The following XKR6 variants were observed in gnomAD, a reference collection of about 807,000 sequenced individuals.
XKR6 encodes XK related 6.
XKR6 carries 22 observed loss-of-function variants against 56.7 expected under a neutral mutation model. The observed-to-expected ratio is 0.39, with a 90% CI of 0.28 to 0.55. The LOEUF (loss-of-function observed/expected upper bound fraction) is 0.55. XKR6 is among the 20% of genes least tolerant of loss of function. The probability of loss-of-function intolerance (pLI) is 0.66; values close to 1 mark genes in which losing one functional copy is unlikely to be tolerated. For missense variants in XKR6, 852 were observed against 889.0 expected (o/e 0.96, Z 0.53); for synonymous variants, 524 against 387.8 (o/e 1.35, Z -4.13).
At chr8:10,928,292 C>A (rs1800955892) in intron 1 of XKR6, among the ~76,000 whole-genome samples, 1 of 152,228 alleles carries the variant, frequency 6.6e-6, no homozygotes. Context: ...CAGGAGGATC[C>A]TGGCAGCTCC....
chr8:11,043,276 C>T (rs1297063023), intron 1 of XKR6, among the ~76,000 whole-genome samples: 1 of 151,814 alleles, frequency 6.6e-6, no homozygotes, highest in Non-Finnish European at 1.5e-5. Context: ...GGTGAGGATG[C>T]GAGGTGGGGT....
intron 1 of XKR6, among the ~76,000 whole-genome samples, chr8:11,151,768 C>CT (rs1189849880): frequency 9.2e-5 from 14 of 152,028 alleles, no homozygotes; most frequent in Non-Finnish European, 1.6e-4. Flanking sequence ...TACATCCCCC[C>CT]GCTCCGCCTT....
At chr8:11,151,374 C>T (rs1333703149) in intron 1 of XKR6, among the ~76,000 whole-genome samples, 3 of 152,134 alleles carry the variant, frequency 2.0e-5, no homozygotes, top group Non-Finnish European at 4.4e-5. Flanking sequence ...TTTACATTTA[C>T]TTTGGAAAAG....
intron 1 of XKR6, among the ~76,000 whole-genome samples, chr8:11,016,359 C>G (rs937568538): frequency 6.6e-6 from 1 of 152,144 alleles, no homozygotes; most frequent in African/African-American, 2.4e-5. Flanking sequence ...TGCTGAGGAC[C>G]CTGGGGGAGT....
Position 10,898,757 on chromosome 8 carries a change from G to A in XKR6, c.1121C>T (p.Ser374Phe). ...RLFTISSRVI[S>F]FALFASIFQL... ...GAAGATGGAAGCAAAGAGGGCAAAA[G>A]AGATCACTCGGGATGAGATGGTGAA... The change falls in exon 3 of 3, where the codon TCT becomes TTT. Residue 374 changes from serine (S) to phenylalanine (F), a missense_variant. Physicochemically the swap from Ser to Phe is radical, Grantham distance 155. This residue lies in a region of XKR6 where 199 missense variants were observed against 280.4 expected (regional missense o/e 0.71). Transcript: ENST00000416569. This position sits in a 1 kb window ranked among gnomAD's most constrained non-coding sequence, Gnocchi z 6.6. The A allele has an allele frequency of 6.2e-7, 1 of 1,614,152 alleles. No individual in the cohort carries two copies. Among genetic ancestry groups the A allele is most frequent in the Non-Finnish European group, 8.5e-7 (1 of 1,180,036 alleles).
intron 1 of XKR6, among the ~76,000 whole-genome samples, chr8:11,036,855 T>C (rs1438692590): frequency 6.6e-6 from 1 of 152,344 alleles, no homozygotes; most frequent in East Asian, 1.9e-4. Flanking sequence ...GGAAGGTGGC[T>C]GCGTGTGTTA....
At chr8:11,108,929 CA>C (rs1295703994) in intron 1 of XKR6, 1 of 152,274 alleles carries the variant, frequency 6.6e-6, no homozygotes, top group Non-Finnish European at 1.5e-5. Context: ...CTGAAACTTC[CA>C]AAATAAAAAG....
At chr8:11,033,759 G>T (rs1799065931) in intron 1 of XKR6, among the ~76,000 whole-genome samples, 1 of 152,162 alleles carries the variant, frequency 6.6e-6, no homozygotes, top group Non-Finnish European at 1.5e-5. Context: ...GGGTGTGTGT[G>T]AATTATGCAG....
intron 1 of XKR6, among the ~76,000 whole-genome samples, chr8:10,993,960 C>T (rs1012773702): frequency 6.6e-6 from 1 of 152,168 alleles, no homozygotes; most frequent in Non-Finnish European, 1.5e-5. Context: ...ACCTCTGTGC[C>T]CACCAAGCCT....
chr8:11,121,512 G>C (rs548665430), intron 1 of XKR6, among the ~76,000 whole-genome samples: 1 of 152,122 alleles, frequency 6.6e-6, no homozygotes, highest in Non-Finnish European at 1.5e-5. Flanking sequence ...TTAGAATGGC[G>C]ATCATTAAAA....
At chr8:11,083,606 A>G (rs564270891) in intron 1 of XKR6, among the ~76,000 whole-genome samples, 71 of 152,346 alleles carry the variant, frequency 4.7e-4, no homozygotes, top group South Asian at 1.0e-3. Flanking sequence ...GGATGCTTCA[A>G]TGAGGAGAGA....
chr8:11,195,243 T>A, intron 1 of XKR6: 1 of 699,922 alleles, frequency 1.4e-6, no homozygotes, highest in Non-Finnish European at 2.6e-6. Context: ...TAAAAAATAA[T>A]CACCCTAGTG....
chr8:11,032,723 G>A (rs970353062), intron 1 of XKR6, among the ~76,000 whole-genome samples: 10 of 152,172 alleles, frequency 6.6e-5, no homozygotes, highest in Non-Finnish European at 1.0e-4. Context: ...ACTGCAGCTA[G>A]GGGTCTGCTC....
chr8:10,960,329 G>C (rs1288955556), intron 1 of XKR6, among the ~76,000 whole-genome samples: 1 of 152,058 alleles, frequency 6.6e-6, no homozygotes, highest in African/African-American at 2.4e-5. Flanking sequence ...GATGTCAAGG[G>C]AACTCTCAAG....
At chr8:11,037,782 C>G (rs545590742) in intron 1 of XKR6, among the ~76,000 whole-genome samples, 1 of 151,412 alleles carries the variant, frequency 6.6e-6, no homozygotes, top group Non-Finnish European at 1.5e-5. Context: ...CGTTTGAACC[C>G]AGAAGGCAGA....
At chr8:11,115,166 T>C (rs930887808) in intron 1 of XKR6, among the ~76,000 whole-genome samples, 1 of 152,208 alleles carries the variant, frequency 6.6e-6, no homozygotes, top group African/African-American at 2.4e-5. Context: ...AATCCCTGAA[T>C]CTCTCTGCTG....
At chr8:10,911,149 TG>T (rs1193010230) in intron 2 of XKR6, among the ~76,000 whole-genome samples, 1 of 151,446 alleles carries the variant, frequency 6.6e-6, no homozygotes, top group Non-Finnish European at 1.5e-5. Flanking sequence ...TTGTGAGCCG[TG>T]GGTAAAAACA....
intron 1 of XKR6, among the ~76,000 whole-genome samples, chr8:10,975,034 C>G (rs1269091609): frequency 6.6e-6 from 1 of 152,128 alleles, no homozygotes; most frequent in African/African-American, 2.4e-5. Context: ...CCACCTCTGC[C>G]CCTTGCTGGC....
At chr8:11,119,611 G>A (rs925447437) in intron 1 of XKR6, among the ~76,000 whole-genome samples, 6 of 152,178 alleles carry the variant, frequency 3.9e-5, no homozygotes, top group Middle Eastern at 3.4e-3. Flanking sequence ...TGTTTTATCC[G>A]AGACTAGGAT....
Sources: gnomAD v4.1 joint callset for allele counts (sites outside exome capture counted in the v4.1 genomes callset) on GRCh38, gnomAD v4.1.1 for gene constraint, gnomAD v4.1.1 regional missense constraint, Gnocchi (gnomAD v3.1) non-coding constraint, MANE v1.5 for transcripts, NCBI Gene and HGNC (gene_info 2026-07-23, HGNC 2026-07-21) for gene names.